Variants in PHIP observed in about 807,000 individuals in gnomAD.
PHIP encodes the protein PHIP subunit of CUL4-Ring ligase complex, also known as PH-interacting protein.
A neutral mutation model predicts 236.8 loss-of-function variants in PHIP; 54 were observed. That is an observed-to-expected ratio of 0.23 (90% CI 0.18 to 0.29). The LOEUF (loss-of-function observed/expected upper bound fraction) is 0.29. Ranked by LOEUF, PHIP falls within the 10% of genes least tolerant of loss-of-function variation. The probability of loss-of-function intolerance (pLI) is 1.00; values close to 1 mark genes in which losing one functional copy is unlikely to be tolerated. For synonymous variants in PHIP, 756 were observed against 718.9 expected (o/e 1.05, Z -0.83); for missense variants, 1,370 against 2,190.8 (o/e 0.63, Z 7.48).
chr6:79,059,098 C>T (rs1399052170), intron 6 of PHIP, among the ~76,000 whole-genome samples: 2 of 152,000 alleles, frequency 1.3e-5, no homozygotes, highest in Admixed American at 1.3e-4. Flanking sequence ...TTACCCACCA[C>T]GCAGATATCA....
intron 6 of PHIP, among the ~76,000 whole-genome samples, chr6:79,057,572 ATAT>A (rs1773135312): frequency 1.3e-5 from 2 of 152,120 alleles, no homozygotes; most frequent in Admixed American, 1.3e-4. Context: ...TTTGGGATCT[ATAT>A]TAAACGTTTA....
intron 4 of PHIP, among the ~76,000 whole-genome samples, chr6:79,063,272 A>G (rs1286837133): frequency 1.3e-5 from 2 of 152,242 alleles, no homozygotes; most frequent in Non-Finnish European, 2.9e-5. Context: ...AGTTGGATAT[A>G]TGAAGATTTA....
rs1769520792 is a variant in PHIP, at chr6:78,995,042, T to G, written c.2201+2372A>C. On this transcript the variant is annotated intron_variant, in intron 19 of 39. Coordinates refer to ENST00000275034, the MANE Select transcript of PHIP (RefSeq NM_017934.7). ...AACCAAACCTGCAATATCCCCAAAG[T>G]ATGCCTGTATCTTAGCAACCTAAAT... is the stretch of plus-strand genomic sequence containing the variant. Among the ~76,000 whole-genome samples the G allele has an allele frequency of 2.0e-5, 3 of 152,194 alleles. No individual in the cohort carries two copies. The South Asian group carries it at 6.2e-4, about 32-fold the overall frequency.
At chr6:79,031,569 T>C (rs1210968512) in intron 7 of PHIP, among the ~76,000 whole-genome samples, 1 of 152,150 alleles carries the variant, frequency 6.6e-6, no homozygotes, top group Non-Finnish European at 1.5e-5. Context: ...ATTTTTCCAA[T>C]CCTAACAATT....
chr6:79,002,251 T>C, intron 16 of PHIP, 127 bp from the exon 17 acceptor site: 1 of 604,468 alleles, frequency 1.7e-6, no homozygotes, highest in Non-Finnish European at 2.9e-6. Flanking sequence ...CAACAATTTT[T>C]AAAATATTAT....
At chr6:78,972,897 G>A (rs9448603) in intron 24 of PHIP, among the ~76,000 whole-genome samples, 14,410 of 152,176 alleles carry the variant, frequency 0.095, 792 homozygotes, top group Middle Eastern at 0.14. Flanking sequence ...CCAAATCTAC[G>A]TCTGATTGGT....
At chr6:79,023,759 G>A (rs1255353719) in intron 9 of PHIP, among the ~76,000 whole-genome samples, 1 of 152,076 alleles carries the variant, frequency 6.6e-6, no homozygotes, top group Non-Finnish European at 1.5e-5. Flanking sequence ...TACTTCTCAA[G>A]CATCCAGAAA....
intron 4 of PHIP, among the ~76,000 whole-genome samples, chr6:79,071,161 C>A (rs2127780154): frequency 6.6e-6 from 1 of 152,326 alleles, no homozygotes; most frequent in South Asian, 2.1e-4. Flanking sequence ...TCAAATACGG[C>A]TGTTTTTGAG....
chr6:78,959,249 T>C (rs1223252843), intron 31 of PHIP, among the ~76,000 whole-genome samples: 1 of 152,146 alleles, frequency 6.6e-6, no homozygotes, highest in African/African-American at 2.4e-5. Context: ...ATATGTGGCC[T>C]GACTTAAAAT....
In PHIP at chr6:78,938,661, G is replaced by T. The variant is rs1388032989; in HGVS notation, c.*2032C>A. 1.3e-5 allele frequency: 2 copies of T among 151,270 alleles called. No homozygotes were observed. Among genetic ancestry groups the T allele is most frequent in the Non-Finnish European group, 3.0e-5 (2 of 67,528 alleles). 9.4% of individuals were successfully genotyped at this position (151,270 alleles called of 1,614,324 possible). A position where few individuals can be genotyped will look rare whatever the true frequency, so the allele number is the denominator to read the frequency against. Reference sequence around the variant, plus strand: ...CTGCATTATGAAGAGTTTAACTACTGAATTTTAATTTTATAGTTAAATATA... The same window carrying T: ...CTGCATTATGAAGAGTTTAACTACTTAATTTTAATTTTATAGTTAAATATA... On this transcript the variant is annotated 3_prime_UTR_variant, in exon 40 of 40. Coordinates refer to ENST00000275034, the MANE Select transcript of PHIP (RefSeq NM_017934.7).
intron 24 of PHIP, among the ~76,000 whole-genome samples, chr6:78,976,138 C>T (rs2127712688): frequency 6.7e-6 from 1 of 150,050 alleles, no homozygotes; most frequent in South Asian, 2.1e-4. Context: ...TACAAGGCTA[C>T]AGTAACCAAA....
At chr6:78,985,275 G>A (rs1003645464) in intron 22 of PHIP, 77 bp downstream of exon 22, 3 of 783,566 alleles carry the variant, frequency 3.8e-6, no homozygotes, top group Admixed American at 4.3e-5. Context: ...ACTTTGAAAC[G>A]TGTTGCTGGT....
chr6:78,985,421 T>C lies in PHIP; in HGVS notation c.2468A>G (p.Glu823Gly), dbSNP rs778425219. ...TGTTCCACCACTGACAGCAACTACT[T>C]CGCCTTCCTAAGATATGTTGAATAC... ...ENGSSSSDEG[E>G]VVAVSGGTSE... Residue 823 changes from glutamate (E) to glycine (G), a missense_variant, in exon 22 of 40, where the codon GAA becomes GGA. Physicochemically the swap from Glu to Gly is moderately conservative, Grantham distance 98. Around this residue, in one of 14 missense-constraint regions of PHIP, gnomAD observed 99 missense variants for 110.0 expected, o/e 0.90. Coordinates refer to ENST00000275034, the MANE Select transcript of PHIP (RefSeq NM_017934.7). 3 of 1,571,652 alleles carry C rather than the reference T, an allele frequency of 1.9e-6. No individual in the cohort carries two copies. The highest frequency in any genetic ancestry group is 4.5e-5 in the East Asian group (2 of 44,686).
intron 7 of PHIP, among the ~76,000 whole-genome samples, chr6:79,029,774 C>T (rs1362215506): frequency 6.6e-6 from 1 of 152,140 alleles, no homozygotes; most frequent in East Asian, 1.9e-4. Flanking sequence ...AAGTAATCCA[C>T]CCACCTTGGC....
rs1208935099 is a variant in PHIP, at chr6:78,946,186, G to A, written c.4445C>T (p.Thr1482Ile). 1 of 1,613,690 alleles carries A rather than the reference G, an allele frequency of 6.2e-7. No homozygotes were observed. Among genetic ancestry groups the A allele is most frequent in the Non-Finnish European group, 8.5e-7 (1 of 1,179,590 alleles). The change falls in exon 38 of 40, where the codon ACA becomes ATA. Residue 1482 changes from threonine to isoleucine, a missense_variant. Physicochemically the swap from Thr to Ile is moderately conservative, Grantham distance 89. Transcript: ENST00000275034. ...ESSTSAFSTPTRSIPPRHNAA... is the reference protein window; with the variant it reads ...ESSTSAFSTPIRSIPPRHNAA... ...ATTGTGTCTTGGCGGTATTGATCGT[G>A]TAGGTGTAGAGAATGCAGAGGTAGA...
At chr6:78,982,411 G>C (rs1049124547) in intron 23 of PHIP, among the ~76,000 whole-genome samples, 20 of 152,100 alleles carry the variant, frequency 1.3e-4, no homozygotes, top group Admixed American at 9.2e-4. Flanking sequence ...AATGTTACAA[G>C]ACCATCTTAC....
At chr6:78,995,181 A>T (rs1227179377) in intron 19 of PHIP, among the ~76,000 whole-genome samples, 1 of 152,220 alleles carries the variant, frequency 6.6e-6, no homozygotes, top group East Asian at 1.9e-4. Flanking sequence ...CAAGATTCAT[A>T]CCCATTGTAT....
At chr6:78,947,564 CATTT>C (rs769932472) in intron 36 of PHIP, 55 bp downstream of exon 36, 83 of 790,772 alleles carry the variant, frequency 1.0e-4, no homozygotes, top group Non-Finnish European at 1.6e-4. Context: ...AACATTTAGT[CATTT>C]AACACACTCC....
chr6:78,941,943 TGA>T (rs1773523008), intron 39 of PHIP, among the ~76,000 whole-genome samples: 1 of 152,128 alleles, frequency 6.6e-6, no homozygotes, highest in Non-Finnish European at 1.5e-5. Context: ...GATCTGGAGA[TGA>T]TGAATTACCT....
Sources: allele counts gnomAD v4.1 joint callset (sites outside exome capture counted in the v4.1 genomes callset), GRCh38; gene constraint gnomAD v4.1.1; regional missense constraint gnomAD v4.1.1; transcripts MANE v1.5; gene names NCBI Gene and HGNC (gene_info 2026-07-23, HGNC 2026-07-21).